MCFD2: variants seen among roughly 807,000 people sequenced by gnomAD.
MCFD2 encodes multiple coagulation factor deficiency protein 2.
A neutral mutation model predicts 12.8 loss-of-function variants in MCFD2; 11 were observed. That is an observed-to-expected ratio of 0.86 (90% CI 0.54 to 1.42). The LOEUF is 1.42. Among genes scored for constraint, MCFD2 ranks in the 40% most tolerant of loss-of-function variants. The probability of loss-of-function intolerance (pLI) is 0.00; values close to 1 mark genes in which losing one functional copy is unlikely to be tolerated. For synonymous variants in MCFD2, 70 were observed against 68.1 expected, an observed-to-expected ratio of 1.03 and a Z score of -0.14; for missense variants, 191 against 178.6, an observed-to-expected ratio of 1.07 and a Z score of -0.40.
rs80294301 is a variant in MCFD2, at chr2:46,905,488, G to A, written c.416C>T (p.Ala139Val). ...DKNNDGYIDY[A>V]EFAKSLQ is the part of the protein sequence containing the mutation. ...CTACTGCAGTGATTTTGCAAATTCAGCATAGTCAATGTATCCATCATTGTT... is the reference window on the plus strand; with the variant it reads ...CTACTGCAGTGATTTTGCAAATTCAACATAGTCAATGTATCCATCATTGTT... Residue 139 changes from alanine (A) to valine (V), a missense_variant, in exon 4 of 4, where the codon GCT becomes GTT. Ala to Val is a moderately conservative substitution (Grantham distance 64, BLOSUM62 0). Transcript: ENST00000319466. The A allele has an allele frequency of 2.7e-5, 43 of 1,612,828 alleles. No homozygotes were observed. Among genetic ancestry groups the A allele is most frequent in the Non-Finnish European group, 3.4e-5 (40 of 1,179,918 alleles).
chr2:46,912,887 G>A (rs1268801547), intron 1 of MCFD2, among the ~76,000 whole-genome samples: 1 of 152,172 alleles, frequency 6.6e-6, no homozygotes, highest in Non-Finnish European at 1.5e-5. Context: ...CAGATATGCT[G>A]CCAATTTTTA....
chr2:46,927,760 T>C (rs922667991), intron 1 of MCFD2, among the ~76,000 whole-genome samples: 2 of 151,928 alleles, frequency 1.3e-5, no homozygotes, highest in African/African-American at 2.4e-5. Flanking sequence ...AAAAGAAAAC[T>C]GCTCACCTAA....
At chr2:46,933,607 C>A (rs1669821221) in intron 1 of MCFD2, among the ~76,000 whole-genome samples, 1 of 152,130 alleles carries the variant, frequency 6.6e-6, no homozygotes, top group Non-Finnish European at 1.5e-5. Flanking sequence ...ATACCATGGG[C>A]AGGATGTGCT....
intron 1 of MCFD2, among the ~76,000 whole-genome samples, chr2:46,931,695 TAAA>T (rs1267651976): frequency 6.8e-6 from 1 of 146,974 alleles, no homozygotes; most frequent in Non-Finnish European, 1.5e-5. Flanking sequence ...CAGACAATAA[TAAA>T]TAAATAAATA....
chr2:46,907,951 T>C lies in MCFD2; in HGVS notation c.168A>G (p.Leu56=). 6.2e-7 allele frequency: 1 copy of C among 1,614,222 alleles called. No individual in the cohort carries two copies. Among genetic ancestry groups the C allele is most frequent in the Non-Finnish European group, 8.5e-7 (1 of 1,180,050 alleles). Residue 56 remains leucine, a synonymous_variant, in exon 3 of 4, where the codon CTA becomes CTG. Transcript: ENST00000319466. The surrounding 1 kb of genome is among the most constrained non-coding windows in gnomAD (Gnocchi z 4.1). ...CCTCTGGTTTGTTGATGACACCTTC[T>C]AGATGCTCCATGATATGCCTAAAAA... The part of the protein sequence containing the change: ...VHDQEHIMEH[L]EGVINKPEAE...
intron 1 of MCFD2, among the ~76,000 whole-genome samples, chr2:46,920,915 G>A (rs1429684968): frequency 6.7e-6 from 1 of 149,912 alleles, no homozygotes; most frequent in African/African-American, 2.5e-5. Context: ...ATGATCATAA[G>A]AAAAACTATA....
chr2:46,918,430 G>A (rs765719235), upstream of MCFD2, among the ~76,000 whole-genome samples: 26 of 152,168 alleles, frequency 1.7e-4, no homozygotes, highest in Non-Finnish European at 3.4e-4. Context: ...CTAACTGACC[G>A]TCCTGCTTCC....
At chr2:46,914,395 T>C (rs1273216399) in intron 1 of MCFD2, among the ~76,000 whole-genome samples, 1 of 152,154 alleles carries the variant, frequency 6.6e-6, no homozygotes, top group Non-Finnish European at 1.5e-5. Context: ...AAAGAAAAAC[T>C]GACCAGTACT....
At chr2:46,915,543 C>T (rs1365536431) in intron 1 of MCFD2, among the ~76,000 whole-genome samples, 180 bp downstream of exon 1, 1 of 152,174 alleles carries the variant, frequency 6.6e-6, no homozygotes, top group Non-Finnish European at 1.5e-5. Context: ...CCCGGTGGGG[C>T]ACAGGCTTCC....
At chr2:46,923,850 A>G (rs1016789616) in intron 1 of MCFD2, among the ~76,000 whole-genome samples, 1 of 152,004 alleles carries the variant, frequency 6.6e-6, no homozygotes, top group Admixed American at 6.6e-5. Flanking sequence ...CTCTTGCCTC[A>G]GCCTCCAGAG....
intron 1 of MCFD2, among the ~76,000 whole-genome samples, chr2:46,929,277 A>G (rs1669568479): frequency 6.6e-6 from 1 of 152,046 alleles, no homozygotes; most frequent in Non-Finnish European, 1.5e-5. Flanking sequence ...TGAGGCCCAC[A>G]GTTCTGAGAC....
At chr2:46,926,332 G>A (rs1669382263) in intron 1 of MCFD2, among the ~76,000 whole-genome samples, 1 of 152,180 alleles carries the variant, frequency 6.6e-6, no homozygotes, top group Non-Finnish European at 1.5e-5. Flanking sequence ...ATCGGAGTAA[G>A]TGATGCTCCC....
chr2:46,908,675 A>G lies in MCFD2; in HGVS notation c.149+348T>C. Reference sequence around the variant, plus strand: ...GTTGATTTAAAAAAGGTCTTGTTATAGTCAAGAAACCTTAGCTATTTTCTG... The same window carrying G: ...GTTGATTTAAAAAAGGTCTTGTTATGGTCAAGAAACCTTAGCTATTTTCTG... On this transcript the variant is annotated intron_variant, in intron 2 of 3. Transcript: ENST00000319466. The surrounding 1 kb of genome is among the most constrained non-coding windows in gnomAD (Gnocchi z 4.5). The G allele has an allele frequency of 2.8e-6, 1 of 363,510 alleles. No individual in the cohort carries two copies. Among genetic ancestry groups the G allele is most frequent in the Non-Finnish European group, 5.2e-6 (1 of 191,890 alleles). 22.5% of individuals were successfully genotyped at this position (363,510 alleles called of 1,614,324 possible).
intron 1 of MCFD2, among the ~76,000 whole-genome samples, chr2:46,927,438 G>A (rs1034657993): frequency 1.3e-5 from 2 of 150,454 alleles, no homozygotes; most frequent in African/African-American, 4.9e-5. Context: ...CTCACTGCAG[G>A]CTCCACCTCC....
chr2:46,914,203 T>C (rs1668599471), intron 1 of MCFD2: 1 of 152,338 alleles, frequency 6.6e-6, no homozygotes, highest in African/African-American at 2.4e-5. Flanking sequence ...TTCCAGTGGT[T>C]TGACCTGGCC....
rs1572671568 is a variant in MCFD2, at chr2:46,941,710, A to G, written c.-146T>C. 1.9e-6 allele frequency: 3 copies of G among 1,550,260 alleles called. No individual in the cohort carries two copies. Among genetic ancestry groups the G allele is most frequent in the Non-Finnish European group, 2.6e-6 (3 of 1,147,142 alleles). On this transcript the variant is annotated 5_prime_UTR_variant, in exon 1 of 3. Transcript: ENST00000409147. This position sits in a 1 kb window ranked among gnomAD's most constrained non-coding sequence, Gnocchi z 4.2. ...GCGAGGCAGCCCGAGCGCAGCGTTC[A>G]CCTTTCCGGACACCGGTGAGTAAGG...
chr2:46,921,894 C>T (rs754047190), intron 1 of MCFD2, among the ~76,000 whole-genome samples: 3 of 146,106 alleles, frequency 2.1e-5, no homozygotes, highest in Non-Finnish European at 4.5e-5. Context: ...AGGCATAGCT[C>T]AGGTTGGTAA....
chr2:46,915,767 T>C lies in MCFD2; in HGVS notation c.-51A>G. ...GACGCGAAGCCCTCCAACGTGAGCC[T>C]CACCAGCCCCCGTCCCCAAAACGCT... is the stretch of plus-strand genomic sequence containing the variant. On this transcript the variant is annotated 5_prime_UTR_variant, in exon 1 of 4. Transcript: ENST00000319466. The C allele has an allele frequency of 2.1e-6, 2 of 935,504 alleles. No individual in the cohort carries two copies. The highest frequency in any genetic ancestry group is 1.9e-5 in the African/African-American group (1 of 52,054). The allele number at this position is 935,504 out of a possible 1,614,324, so 58.0% of individuals were successfully genotyped here.
rs141799723 is a variant in MCFD2, at chr2:46,907,372, CT to C, written c.309+437del. The C allele has an allele frequency of 5.6e-5, 11 of 196,344 alleles. No homozygotes were observed. The highest frequency in any genetic ancestry group is 1.8e-4 in the South Asian group (2 of 11,424). 12.2% of individuals were successfully genotyped at this position (196,344 alleles called of 1,614,324 possible). On this transcript the variant is annotated intron_variant, in intron 3 of 3. Coordinates refer to ENST00000319466, the MANE Select transcript of MCFD2 (RefSeq NM_139279.6). This position sits in a 1 kb window ranked among gnomAD's most constrained non-coding sequence, Gnocchi z 4.1. ...ACAGAAGAGAAAGAAGCAGCAGCAC[CT>C]TTTTTTTTCTTTTCTTTTTTTCTCT...
Sources: allele counts gnomAD v4.1 joint callset (sites outside exome capture counted in the v4.1 genomes callset), GRCh38; gene constraint gnomAD v4.1.1; non-coding constraint Gnocchi (gnomAD v3.1); transcripts MANE v1.5; gene names NCBI Gene and HGNC (gene_info 2026-07-23, HGNC 2026-07-21).